TAFA4: variants seen among roughly 807,000 people sequenced by gnomAD.
TAFA4 encodes chemokine-like protein TAFA-4.
A neutral mutation model predicts 21.1 loss-of-function variants in TAFA4; 20 were observed. The ratio of observed to expected loss-of-function variants is 0.95; its 90% confidence interval spans 0.67 to 1.38. The LOEUF (loss-of-function observed/expected upper bound fraction) is 1.38. TAFA4 is among the 40% of genes most tolerant of loss of function. The pLI is 0.00. For missense variants in TAFA4, 211 were observed against 180.9 expected, an observed-to-expected ratio of 1.17 and a Z score of -0.95; for synonymous variants, 71 against 67.4, an observed-to-expected ratio of 1.05 and a Z score of -0.26.
At position 68,893,271 on chromosome 3, in the gene TAFA4, T is replaced by A. The variant is rs370249587; in HGVS notation, c.-122-7961A>T. 3.2e-4 allele frequency among the ~76,000 whole-genome samples: 49 copies of A among 152,326 alleles called. 1 individual carries two copies. The highest frequency in any genetic ancestry group is 1.2e-3 in the African/African-American group (48 of 41,584). On this transcript the variant is annotated intron_variant, in intron 1 of 5. Coordinates refer to ENST00000295569, the MANE Select transcript of TAFA4 (RefSeq NM_182522.5). ...TACATGATAGGATCTAACTTCTACA[T>A]AAAAAATATTTGTAAACATTAAATA... is the stretch of plus-strand genomic sequence containing the variant.
intron 3 of TAFA4, among the ~76,000 whole-genome samples, chr3:68,879,915 C>T (rs1197547672): frequency 6.6e-6 from 1 of 152,300 alleles, no homozygotes; most frequent in East Asian, 1.9e-4. Flanking sequence ...GGCACTGCCA[C>T]GCCTCAGATT....
chr3:68,928,051 C>A (rs1211204127), intron 1 of TAFA4, among the ~76,000 whole-genome samples: 1 of 152,156 alleles, frequency 6.6e-6, no homozygotes, highest in South Asian at 2.1e-4. Flanking sequence ...ATTTTATTAA[C>A]AAGAACTCCC....
chr3:68,875,934 G>T (rs752685289), intron 3 of TAFA4, among the ~76,000 whole-genome samples: 1 of 150,774 alleles, frequency 6.6e-6, no homozygotes, highest in African/African-American at 2.4e-5. Flanking sequence ...AAAAAAGAGA[G>T]AGAGAACTAA....
chr3:68,774,924 G>A lies in TAFA4; in HGVS notation c.131-21906C>T, dbSNP rs868416850. On this transcript the variant is annotated intron_variant, in intron 3 of 5. Transcript: ENST00000295569. ...AGGAGGAGGCTCTATACTTGTTCTC[G>A]GGATATTAAAAAGCTGCAAAAAAGA... Among the ~76,000 whole-genome samples the A allele has an allele frequency of 9.9e-5, 15 of 152,122 alleles. No individual in the cohort carries two copies. The South Asian group carries it at 1.2e-3, about 13-fold the overall frequency.
intron 1 of TAFA4, among the ~76,000 whole-genome samples, chr3:68,888,192 G>T (rs999878003): frequency 4.0e-5 from 6 of 151,568 alleles, no homozygotes; most frequent in African/African-American, 4.9e-5. Context: ...AAACCTTAGT[G>T]CATGGACGCA....
At chr3:68,854,657 TTTG>T (rs1259281422) in intron 3 of TAFA4, among the ~76,000 whole-genome samples, 1 of 150,272 alleles carries the variant, frequency 6.7e-6, no homozygotes, top group Admixed American at 6.7e-5. Context: ...TGGTTTTGTT[TTTG>T]TTATTTTTTT....
chr3:68,895,520 G>A (rs980023385), intron 1 of TAFA4, among the ~76,000 whole-genome samples: 1 of 152,188 alleles, frequency 6.6e-6, no homozygotes, highest in Non-Finnish European at 1.5e-5. Context: ...GATTAGGTGG[G>A]GGAAGTGGAA....
chr3:68,863,003 G>T (rs1011741302), intron 3 of TAFA4, among the ~76,000 whole-genome samples: 2 of 151,436 alleles, frequency 1.3e-5, no homozygotes, highest in Admixed American at 6.6e-5. Context: ...GGAGTCCAAG[G>T]CTGACCAATC....
intron 3 of TAFA4, among the ~76,000 whole-genome samples, chr3:68,846,399 C>G (rs538641493): frequency 6.6e-6 from 1 of 152,116 alleles, no homozygotes; most frequent in African/African-American, 2.4e-5. Flanking sequence ...ACTGGTTATT[C>G]TAGTTAGCAA....
intron 3 of TAFA4, among the ~76,000 whole-genome samples, chr3:68,819,574 C>A (rs1021877518): frequency 2.6e-5 from 4 of 152,030 alleles, no homozygotes; most frequent in African/African-American, 9.7e-5. Flanking sequence ...AGCTAATAAC[C>A]AAAATATATA....
chr3:68,827,694 G>C (rs535462691), intron 3 of TAFA4, among the ~76,000 whole-genome samples: 1 of 152,276 alleles, frequency 6.6e-6, no homozygotes, highest in East Asian at 1.9e-4. Context: ...TTTTTGAAAA[G>C]TGTCTGTTCA....
intron 3 of TAFA4, among the ~76,000 whole-genome samples, chr3:68,839,602 C>T (rs1180401420): frequency 6.6e-6 from 1 of 152,194 alleles, no homozygotes; most frequent in Non-Finnish European, 1.5e-5. Flanking sequence ...AACCTTTTCA[C>T]ACTGAGAAAC....
intron 1 of TAFA4, among the ~76,000 whole-genome samples, chr3:68,929,146 T>C (rs979659153): frequency 4.6e-5 from 7 of 152,258 alleles, no homozygotes; most frequent in African/African-American, 1.4e-4. Flanking sequence ...AGATCACAAA[T>C]TGAGTGAGGC....
chr3:68,907,760 G>T (rs953268664), intron 1 of TAFA4, among the ~76,000 whole-genome samples: 1 of 152,192 alleles, frequency 6.6e-6, no homozygotes, highest in Non-Finnish European at 1.5e-5. Flanking sequence ...GAAGTCTGAA[G>T]TAGCCACAAC....
chr3:68,850,604 T>C (rs779407032), intron 3 of TAFA4, among the ~76,000 whole-genome samples: 1 of 152,212 alleles, frequency 6.6e-6, no homozygotes, highest in Non-Finnish European at 1.5e-5. Flanking sequence ...TGAGATATTA[T>C]CTCACTGCAG....
chr3:68,785,729 G>A (rs1337811674), intron 3 of TAFA4, among the ~76,000 whole-genome samples: 1 of 152,256 alleles, frequency 6.6e-6, no homozygotes, highest in African/African-American at 2.4e-5. Flanking sequence ...GCAGCGGCAG[G>A]CTGAAGGGCT....
chr3:68,818,737 A>G (rs951215338), intron 3 of TAFA4, among the ~76,000 whole-genome samples: 1 of 152,192 alleles, frequency 6.6e-6, no homozygotes, highest in African/African-American at 2.4e-5. Context: ...CTCATCAAAT[A>G]AGTTCACCAT....
intron 3 of TAFA4, among the ~76,000 whole-genome samples, chr3:68,856,629 T>C (rs754128841): frequency 1.3e-4 from 20 of 152,014 alleles, no homozygotes; most frequent in Non-Finnish European, 2.1e-4. Context: ...GCAGGAACCT[T>C]GAGATAAAAA....
intron 3 of TAFA4, among the ~76,000 whole-genome samples, chr3:68,786,914 G>C (rs1003549064): frequency 2.0e-5 from 3 of 152,216 alleles, no homozygotes; most frequent in Non-Finnish European, 4.4e-5. Context: ...AAATGTATTT[G>C]TGGAAGAAGG....
Sources: allele counts gnomAD v4.1 joint callset (sites outside exome capture counted in the v4.1 genomes callset), GRCh38; gene constraint gnomAD v4.1.1; transcripts MANE v1.5; gene names NCBI Gene and HGNC (gene_info 2026-07-23, HGNC 2026-07-21).